Variants in SUCLG2 observed in about 807,000 individuals in gnomAD.
The protein encoded by SUCLG2 is succinate-CoA ligase GDP-forming subunit beta.
In SUCLG2, 42 loss-of-function variants were observed where a neutral mutation model predicts 47.9. The ratio of observed to expected loss-of-function variants is 0.88; its 90% CI spans 0.69 to 1.14. The LOEUF is 1.14. Ranked by LOEUF, SUCLG2 falls within the 50% of genes most tolerant of loss-of-function variation. The probability of loss-of-function intolerance (pLI) is 0.00; values close to 1 mark genes in which losing one functional copy is unlikely to be tolerated. For missense variants in SUCLG2, 571 were observed against 525.9 expected, an observed-to-expected ratio of 1.09 and a Z score of -0.84; for synonymous variants, 195 against 197.3, an observed-to-expected ratio of 0.99 and a Z score of 0.10.
chr3:67,649,135 GAC>G (rs1273129151), intron 1 of SUCLG2, among the ~76,000 whole-genome samples: 1 of 152,194 alleles, frequency 6.6e-6, no homozygotes, highest in Non-Finnish European at 1.5e-5. Context: ...AGCTGATGAA[GAC>G]AGAGATCAGG....
intron 9 of SUCLG2, among the ~76,000 whole-genome samples, chr3:67,467,200 T>C (rs1704494886): frequency 6.6e-6 from 1 of 152,226 alleles, no homozygotes; most frequent in South Asian, 2.1e-4. Context: ...ATTGATAATA[T>C]AAACACACCT....
chr3:67,480,268 C>G (rs756018557), intron 9 of SUCLG2, among the ~76,000 whole-genome samples: 3 of 152,166 alleles, frequency 2.0e-5, no homozygotes, highest in Non-Finnish European at 4.4e-5. Flanking sequence ...GCTAAAGTAA[C>G]TCACAGAAAT....
At chr3:67,512,281 T>C (rs1705814395) in intron 6 of SUCLG2, among the ~76,000 whole-genome samples, 1 of 151,318 alleles carries the variant, frequency 6.6e-6, no homozygotes, top group Non-Finnish European at 1.5e-5. Flanking sequence ...GTATTCTTTA[T>C]AATTTCTTCC....
chr3:67,620,242 T>C lies in SUCLG2; in HGVS notation c.85-10646A>G, dbSNP rs546802446. Among the ~76,000 whole-genome samples, 347 of 152,170 alleles carry C rather than the reference T, an allele frequency of 2.3e-3. 1 individual carries two copies. The highest frequency in any genetic ancestry group is 0.014 in the Middle Eastern group (4 of 294). On this transcript the variant is annotated intron_variant, in intron 1 of 10. Coordinates refer to ENST00000307227, the MANE Select transcript of SUCLG2 (RefSeq NM_003848.4). Reference sequence around the variant, plus strand: ...GGGAAGAAAGACATGAACACATTAATGAAGAGTGTAATTACAGAGCAGCAA... The same window carrying C: ...GGGAAGAAAGACATGAACACATTAACGAAGAGTGTAATTACAGAGCAGCAA...
intron 2 of SUCLG2, among the ~76,000 whole-genome samples, chr3:67,590,614 T>G (rs1301818605): frequency 6.6e-6 from 1 of 152,216 alleles, no homozygotes; most frequent in African/African-American, 2.4e-5. Flanking sequence ...CTTTGCCTTC[T>G]GCCATGATAT....
intron 1 of SUCLG2, among the ~76,000 whole-genome samples, chr3:67,648,609 G>A (rs1334680790): frequency 6.6e-6 from 1 of 152,178 alleles, no homozygotes; most frequent in Non-Finnish European, 1.5e-5. Flanking sequence ...TGGAGACTGT[G>A]AAATCTCCCC....
intron 9 of SUCLG2, among the ~76,000 whole-genome samples, chr3:67,427,524 T>C (rs1703332747): frequency 6.6e-6 from 1 of 152,164 alleles, no homozygotes; most frequent in Non-Finnish European, 1.5e-5. Context: ...GGTTCCAAGA[T>C]GGCCGAATAG....
chr3:67,407,994 T>C (rs556746603), intron 9 of SUCLG2, among the ~76,000 whole-genome samples: 2 of 152,310 alleles, frequency 1.3e-5, no homozygotes, highest in African/African-American at 4.8e-5. Context: ...AAAAATACTC[T>C]GCTAAATTAG....
chr3:67,519,870 T>A (rs1706047592), intron 5 of SUCLG2, among the ~76,000 whole-genome samples: 1 of 152,210 alleles, frequency 6.6e-6, no homozygotes, highest in African/African-American at 2.4e-5. Context: ...ATGTTCATTT[T>A]ACTGATTTAA....
chr3:67,649,446 G>GC lies in SUCLG2; in HGVS notation c.84+5056_84+5057insG, dbSNP rs1701248259. ...ATGATATTTGTTTGATTTTTCAGTTGTGGGGGTTAATTTTATTCCCTGCTG... is the reference window on the plus strand; with the variant it reads ...ATGATATTTGTTTGATTTTTCAGTTGCTGGGGGTTAATTTTATTCCCTGCTG... On this transcript the variant is annotated intron_variant, in intron 1 of 10. Coordinates refer to ENST00000307227, the MANE Select transcript of SUCLG2 (RefSeq NM_003848.4). Among the ~76,000 whole-genome samples the GC allele has an allele frequency of 3.3e-5, 5 of 152,294 alleles. 1 individual carries two copies. In the South Asian group the frequency reaches 1.0e-3, roughly 32 times the overall value.
chr3:67,422,472 T>TAAAAAAA (rs1559520249), intron 9 of SUCLG2, among the ~76,000 whole-genome samples: 1 of 12,324 alleles, frequency 8.1e-5, no homozygotes, highest in African/African-American at 3.7e-4. Context: ...AGACTCCATC[T>TAAAAAAA]CAAAAAAAAA....
intron 9 of SUCLG2, among the ~76,000 whole-genome samples, chr3:67,468,982 A>C (rs1257945377): frequency 1.3e-5 from 2 of 152,236 alleles, no homozygotes; most frequent in Non-Finnish European, 2.9e-5. Flanking sequence ...TCTCTGCATA[A>C]TTACATTCAG....
chr3:67,385,758 T>A (rs1364669916), intron 10 of SUCLG2, among the ~76,000 whole-genome samples: 1 of 152,244 alleles, frequency 6.6e-6, no homozygotes, highest in South Asian at 2.1e-4. Flanking sequence ...TCTTTGGTGA[T>A]GAAGGTAATA....
intron 9 of SUCLG2, 34 bp from the exon 10 acceptor site, chr3:67,400,885 T>C (rs1702669112): frequency 1.2e-5 from 20 of 1,611,310 alleles, no homozygotes; most frequent in Non-Finnish European, 1.6e-5. Context: ...CCAATCAAAA[T>C]GCTGATCGCC....
intron 2 of SUCLG2, among the ~76,000 whole-genome samples, chr3:67,538,458 G>A (rs1414101630): frequency 3.3e-5 from 5 of 152,172 alleles, no homozygotes; most frequent in Admixed American, 6.5e-5. Context: ...TTTGGTTCCT[G>A]TAGCCTTGTA....
chr3:67,460,977 G>A (rs181166577), intron 9 of SUCLG2, among the ~76,000 whole-genome samples: 7 of 152,164 alleles, frequency 4.6e-5, no homozygotes, highest in Middle Eastern at 3.4e-3. Flanking sequence ...TTTGTCTAAC[G>A]TCTCTGCACT....
rs184302108 is a variant in SUCLG2, at chr3:67,428,852, T to A, written c.1063-28001A>T. Among the ~76,000 whole-genome samples the A allele has an allele frequency of 6.3e-3, 952 of 152,212 alleles. 3 individuals are homozygous for A. The highest frequency in any genetic ancestry group is 0.01 in the Non-Finnish European group (713 of 68,030). ...GATCAAGTGGAAGAAAGGATATTAG[T>A]GATTGAAGATCAAATGAATGAAATG... On this transcript the variant is annotated intron_variant, in intron 9 of 10. Transcript: ENST00000307227.
At chr3:67,449,796 T>G (rs1704010995) in intron 9 of SUCLG2, among the ~76,000 whole-genome samples, 1 of 151,964 alleles carries the variant, frequency 6.6e-6, no homozygotes, top group Non-Finnish European at 1.5e-5. Flanking sequence ...GTATTTTTAG[T>G]AGAGATGTGG....
intron 7 of SUCLG2, among the ~76,000 whole-genome samples, chr3:67,505,672 T>A (rs912816644): frequency 1.3e-5 from 2 of 151,864 alleles, no homozygotes; most frequent in African/African-American, 4.8e-5. Flanking sequence ...TACAAAGAGG[T>A]GGGTACAGGC....
Sources: allele counts gnomAD v4.1 joint callset (sites outside exome capture counted in the v4.1 genomes callset), GRCh38; gene constraint gnomAD v4.1.1; transcripts MANE v1.5; gene names NCBI Gene and HGNC (gene_info 2026-07-23, HGNC 2026-07-21).